SV2C: variants seen among roughly 807,000 people sequenced by gnomAD.
SV2C encodes synaptic vesicle glycoprotein 2C.
Under a neutral mutation model 79.7 loss-of-function variants are expected in SV2C, and 49 were observed. The ratio of observed to expected loss-of-function variants is 0.61; its 90% CI spans 0.49 to 0.78. The LOEUF (loss-of-function observed/expected upper bound fraction) is 0.78. SV2C is among the 30% of genes least tolerant of loss of function. The probability of loss-of-function intolerance (pLI) is 0.00; values close to 1 mark genes in which losing one functional copy is unlikely to be tolerated. For synonymous variants in SV2C, 334 were observed against 333.2 expected (o/e 1.00, Z -0.03); for missense variants, 833 against 912.9 (o/e 0.91, Z 1.13).
chr5:75,911,530 G>A, the SV2C span: 2 of 679,704 alleles, frequency 2.9e-6, no homozygotes, highest in South Asian at 1.8e-5. Flanking sequence ...GGTCTCCTTG[G>A]GGACTGAGAC....
chr5:76,193,746 A>C (rs1248411966), intron 2 of SV2C, among the ~76,000 whole-genome samples: 2 of 152,162 alleles, frequency 1.3e-5, no homozygotes, highest in Non-Finnish European at 2.9e-5. Flanking sequence ...TAGTCAGAGA[A>C]ACATCATTTC....
chr5:76,244,747 C>T (rs145764397), intron 4 of SV2C, among the ~76,000 whole-genome samples: 1 of 152,332 alleles, frequency 6.6e-6, no homozygotes, highest in Non-Finnish European at 1.5e-5. Context: ...TTTTGAATCA[C>T]TGAATCAAGT....
the SV2C span, among the ~76,000 whole-genome samples, chr5:75,879,712 T>A: frequency 1.3e-5 from 2 of 152,230 alleles, no homozygotes; most frequent in African/African-American, 4.8e-5. Flanking sequence ...TTCTAGGTTC[T>A]GGAGGGCAGT....
chr5:76,020,771 G>C, the SV2C span, among the ~76,000 whole-genome samples: 1 of 152,152 alleles, frequency 6.6e-6, no homozygotes. Context: ...TGGAAGTGCT[G>C]GGTGTCTCTT....
the SV2C span, among the ~76,000 whole-genome samples, chr5:75,971,540 CAGAT>C: frequency 6.6e-6 from 1 of 152,036 alleles, no homozygotes; most frequent in African/African-American, 2.4e-5. Flanking sequence ...AACAGACAAA[CAGAT>C]AGCCAAATCA....
At chr5:76,287,405 A>C (rs1187316757) in intron 6 of SV2C, among the ~76,000 whole-genome samples, 1 of 152,214 alleles carries the variant, frequency 6.6e-6, no homozygotes, top group Admixed American at 6.5e-5. Flanking sequence ...TATATATTTC[A>C]TTTTATTATA....
chr5:75,901,979 G>A, the SV2C span, among the ~76,000 whole-genome samples: 2 of 151,322 alleles, frequency 1.3e-5, no homozygotes, highest in Admixed American at 1.3e-4. Flanking sequence ...CGATTTTCCA[G>A]GTGCCGTCTG....
intron 2 of SV2C, among the ~76,000 whole-genome samples, chr5:76,165,176 T>C (rs1298728827): frequency 6.6e-6 from 1 of 152,200 alleles, no homozygotes; most frequent in African/African-American, 2.4e-5. Context: ...TAAGACTCAA[T>C]AGAAGTTGTA....
the SV2C span, among the ~76,000 whole-genome samples, chr5:75,903,087 A>C: frequency 1.6e-4 from 25 of 152,350 alleles, no homozygotes; most frequent in Admixed American, 1.4e-3. Context: ...ACAACTTAGT[A>C]GTTATTCAAA....
At chr5:76,075,940 T>G in the SV2C span, 1 of 203,252 alleles carries the variant, frequency 4.9e-6, no homozygotes, top group East Asian at 1.2e-4. Context: ...TATTTACTAT[T>G]TTTTGCATTT....
chr5:76,091,617 C>T (rs1289295528), intron 1 of SV2C: 2 of 152,150 alleles, frequency 1.3e-5, no homozygotes, highest in African/African-American at 4.8e-5. Context: ...GTTCCCCTCT[C>T]TAATGCAGGT....
intron 1 of SV2C, among the ~76,000 whole-genome samples, chr5:76,129,114 G>T (rs1354553332): frequency 6.6e-6 from 1 of 152,152 alleles, no homozygotes; most frequent in Non-Finnish European, 1.5e-5. Flanking sequence ...TGGGGTTTTG[G>T]TTTAACTCCG....
In SV2C at chr5:76,150,736, C is replaced by T. The variant is rs182620508; in HGVS notation, c.580+18406C>T. ...CACTGCAGTTTCAACCTCCTGGGCT[C>T]AAGTGATCCTCCCACCTCAGCCTCC... On this transcript the variant is annotated intron_variant, in intron 2 of 12. Transcript: ENST00000502798. 1.5e-3 allele frequency among the ~76,000 whole-genome samples: 203 copies of T among 138,988 alleles called. 1 individual carries two copies. Among genetic ancestry groups the T allele is most frequent in the African/African-American group, 4.8e-3 (179 of 37,320 alleles). 91.2% of individuals were successfully genotyped at this position (138,988 alleles called of 152,430 possible). A position where few individuals can be genotyped will look rare whatever the true frequency, so the allele number is the denominator to read the frequency against.
chr5:76,238,302 GTA>G (rs924334864), intron 4 of SV2C, among the ~76,000 whole-genome samples: 1 of 149,860 alleles, frequency 6.7e-6, no homozygotes, highest in African/African-American at 2.5e-5. Context: ...GGGTGTGTGT[GTA>G]TGTGTGTGTG....
chr5:76,253,708 G>GA (rs11390195), intron 4 of SV2C, among the ~76,000 whole-genome samples: 40,366 of 118,078 alleles, frequency 0.34, 7,470 homozygotes, highest in East Asian at 0.47. Context: ...CCTCCCTAAG[G>GA]AAAAAAAAAA....
At chr5:76,018,739 G>A in the SV2C span, among the ~76,000 whole-genome samples, 103 of 152,208 alleles carry the variant, frequency 6.8e-4, no homozygotes, top group Middle Eastern at 6.8e-3. Flanking sequence ...AGAATGTTAA[G>A]GAAAAATATT....
chr5:75,857,886 T>C, the SV2C span, among the ~76,000 whole-genome samples: 1 of 152,226 alleles, frequency 6.6e-6, no homozygotes, highest in Non-Finnish European at 1.5e-5. Flanking sequence ...GTGATTGTTT[T>C]CTTGATTTCT....
chr5:75,996,464 C>A, the SV2C span, among the ~76,000 whole-genome samples: 4 of 152,036 alleles, frequency 2.6e-5, no homozygotes, highest in East Asian at 3.9e-4. Context: ...CTTGGCAATG[C>A]GGGATCTTTT....
intron 1 of SV2C, among the ~76,000 whole-genome samples, chr5:76,092,477 A>G (rs546116028): frequency 6.6e-5 from 10 of 152,306 alleles, no homozygotes; most frequent in African/African-American, 2.2e-4. Context: ...TTTTGAATGA[A>G]AAAGGAACAT....
Sources: allele counts gnomAD v4.1 joint callset (sites outside exome capture counted in the v4.1 genomes callset), GRCh38; gene constraint gnomAD v4.1.1; transcripts MANE v1.5; gene names NCBI Gene and HGNC (gene_info 2026-07-23, HGNC 2026-07-21).